Variants in KCNQ5 observed in about 807,000 individuals in gnomAD.
The protein encoded by KCNQ5 is potassium voltage-gated channel subfamily KQT member 5.
KCNQ5 carries 30 observed loss-of-function variants against 98.2 expected under a neutral mutation model. That is an observed-to-expected ratio of 0.31 (90% CI 0.23 to 0.41). The LOEUF is 0.41. KCNQ5 is among the 10% of genes least tolerant of loss of function. The pLI is 1.00. For missense variants in KCNQ5, 835 were observed against 1,182.5 expected (o/e 0.71, Z 4.31); for synonymous variants, 458 against 449.4 (o/e 1.02, Z -0.24).
intron 1 of KCNQ5, among the ~76,000 whole-genome samples, chr6:72,880,232 A>T (rs563833321): frequency 4.6e-5 from 7 of 152,342 alleles, no homozygotes; most frequent in African/African-American, 1.7e-4. Flanking sequence ...AAACAACAGA[A>T]ATTTATTTCT....
Position 72,956,939 on chromosome 6 carries a change from G to T in KCNQ5, c.399-46969G>T, listed in dbSNP as rs756572721. Among the ~76,000 whole-genome samples the T allele has an allele frequency of 2.0e-5, 3 of 152,034 alleles. No homozygotes were observed. The South Asian group carries it at 6.3e-4, about 32-fold the overall frequency. ...GTTACTGTTAATAGACTATTTAAAGGTTCCTGAAAAGTAAGCATGGATGAA... is the reference window on the plus strand; with the variant it reads ...GTTACTGTTAATAGACTATTTAAAGTTTCCTGAAAAGTAAGCATGGATGAA... On this transcript the variant is annotated intron_variant, in intron 1 of 13. Transcript: ENST00000370398.
At chr6:72,899,870 G>C (rs979878731) in intron 1 of KCNQ5, among the ~76,000 whole-genome samples, 4 of 150,792 alleles carry the variant, frequency 2.7e-5, no homozygotes, top group Non-Finnish European at 5.9e-5. Context: ...TTCTGAGACA[G>C]AGTCTCACTC....
At chr6:72,714,630 C>A (rs1349270341) in intron 1 of KCNQ5, among the ~76,000 whole-genome samples, 1 of 152,056 alleles carries the variant, frequency 6.6e-6, no homozygotes, top group Admixed American at 6.6e-5. Context: ...TGGATAGTTA[C>A]CTTGGGTATT....
chr6:72,956,524 CT>C (rs1482566278), intron 1 of KCNQ5, among the ~76,000 whole-genome samples: 2 of 136,052 alleles, frequency 1.5e-5, no homozygotes, highest in Non-Finnish European at 1.6e-5. Flanking sequence ...CTTTTTAACC[CT>C]TTTTTTCTTT....
chr6:72,766,394 A>C (rs1772573210), intron 1 of KCNQ5, among the ~76,000 whole-genome samples: 1 of 151,996 alleles, frequency 6.6e-6, no homozygotes, highest in African/African-American at 2.4e-5. Context: ...GAAGGCTTTG[A>C]AAAAGGAAGT....
At position 73,055,334 on chromosome 6, in the gene KCNQ5, A is replaced by G. The variant is rs1047671102; in HGVS notation, c.616+13272A>G. ...TGATCAGATGTAGCTGCCAATAGTG[A>G]GGACTTGGCGCCTCAATGAGCAGCA... On this transcript the variant is annotated intron_variant, in intron 3 of 13. Coordinates refer to ENST00000370398, the MANE Select transcript of KCNQ5 (RefSeq NM_019842.4). 6 of 1,426,360 alleles carry G rather than the reference A, an allele frequency of 4.2e-6. No homozygotes were observed. The African/African-American group carries it at 8.5e-5, about 20-fold the overall frequency. 88.4% of individuals were successfully genotyped at this position (1,426,360 alleles called of 1,614,324 possible).
At chr6:72,825,457 A>G (rs1468384410) in intron 1 of KCNQ5, among the ~76,000 whole-genome samples, 1 of 152,202 alleles carries the variant, frequency 6.6e-6, no homozygotes, top group Admixed American at 6.5e-5. Context: ...GGTAGAAGGC[A>G]TAAGAAAATG....
intron 1 of KCNQ5, among the ~76,000 whole-genome samples, chr6:72,815,717 G>T (rs1416758097): frequency 6.6e-6 from 1 of 152,170 alleles, no homozygotes; most frequent in Non-Finnish European, 1.5e-5. Context: ...TAACTATTGG[G>T]CAGTGAGTTT....
chr6:73,123,982 T>G (rs909572752), intron 8 of KCNQ5, among the ~76,000 whole-genome samples: 1 of 152,194 alleles, frequency 6.6e-6, no homozygotes, highest in African/African-American at 2.4e-5. Flanking sequence ...CTAAAAGAGT[T>G]TTGGTAAATA....
chr6:73,128,179 C>G (rs1776070917), intron 9 of KCNQ5, among the ~76,000 whole-genome samples: 1 of 152,230 alleles, frequency 6.6e-6, no homozygotes, highest in African/African-American at 2.4e-5. Flanking sequence ...TTGGTACATT[C>G]AGGTACAAAT....
At chr6:72,805,637 A>G (rs1774917570) in intron 1 of KCNQ5, among the ~76,000 whole-genome samples, 1 of 152,018 alleles carries the variant, frequency 6.6e-6, no homozygotes, top group African/African-American at 2.4e-5. Context: ...GCCCAGAATA[A>G]CTTCAGCTAT....
At chr6:73,170,349 C>T (rs1777959291) in intron 11 of KCNQ5, among the ~76,000 whole-genome samples, 1 of 151,694 alleles carries the variant, frequency 6.6e-6, no homozygotes, top group Admixed American at 6.6e-5. Context: ...AATTTGCTTC[C>T]TCTACTGATG....
At chr6:72,869,645 T>C (rs1778127579) in intron 1 of KCNQ5, among the ~76,000 whole-genome samples, 1 of 152,154 alleles carries the variant, frequency 6.6e-6, no homozygotes, top group African/African-American at 2.4e-5. Context: ...GATGTAAAAA[T>C]GTTTTTACAT....
At chr6:72,985,910 G>A (rs1768750794) in intron 1 of KCNQ5, among the ~76,000 whole-genome samples, 1 of 152,164 alleles carries the variant, frequency 6.6e-6, no homozygotes, top group South Asian at 2.1e-4. Flanking sequence ...GAGTCAACTA[G>A]CTGCCCATCA....
At chr6:72,845,143 T>G (rs1292276623) in intron 1 of KCNQ5, among the ~76,000 whole-genome samples, 1 of 152,238 alleles carries the variant, frequency 6.6e-6, no homozygotes, top group Non-Finnish European at 1.5e-5. Flanking sequence ...ACTTCTAATA[T>G]TGCCCACTTT....
chr6:72,925,474 T>G (rs1354366936), intron 1 of KCNQ5, among the ~76,000 whole-genome samples: 1 of 152,236 alleles, frequency 6.6e-6, no homozygotes, highest in African/African-American at 2.4e-5. Context: ...CATTTATGCA[T>G]TCAAATATTT....
chr6:72,886,432 A>C (rs1390641998), intron 1 of KCNQ5, among the ~76,000 whole-genome samples: 2 of 152,170 alleles, frequency 1.3e-5, no homozygotes, highest in Non-Finnish European at 2.9e-5. Context: ...AAAGGGGAAA[A>C]GGATGAAAAA....
chr6:72,683,191 G>A (rs1178389593), intron 1 of KCNQ5, among the ~76,000 whole-genome samples: 1 of 152,090 alleles, frequency 6.6e-6, no homozygotes, highest in South Asian at 2.1e-4. Flanking sequence ...GCTAAAGTGT[G>A]TCTGAACCCC....
chr6:72,622,871 G>A lies in KCNQ5; in HGVS notation c.398+284G>A, dbSNP rs1046157681. Among the ~76,000 whole-genome samples the A allele has an allele frequency of 6.6e-5, 10 of 152,184 alleles. No individual in the cohort carries two copies. Among genetic ancestry groups the A allele is most frequent in the Admixed American group, 2.0e-4 (3 of 15,290 alleles). On this transcript the variant is annotated intron_variant, in intron 1 of 13. Transcript: ENST00000370398. This position sits in a 1 kb window ranked among gnomAD's most constrained non-coding sequence, Gnocchi z 6.0. Reference sequence around the variant, plus strand: ...GCCAGGCAGACGCGGGACTTAGGCTGCGCGGATAATTGGGAGCAATTAGGT... The same window carrying A: ...GCCAGGCAGACGCGGGACTTAGGCTACGCGGATAATTGGGAGCAATTAGGT...
Sources: allele counts gnomAD v4.1 joint callset (sites outside exome capture counted in the v4.1 genomes callset), GRCh38; gene constraint gnomAD v4.1.1; non-coding constraint Gnocchi (gnomAD v3.1); transcripts MANE v1.5; gene names NCBI Gene and HGNC (gene_info 2026-07-23, HGNC 2026-07-21).